Variants in UBAP1 observed in about 807,000 individuals in gnomAD.
UBAP1 encodes ubiquitin-associated protein 1.
UBAP1 carries 5 observed loss-of-function variants against 39.0 expected under a neutral mutation model. That is an observed-to-expected ratio of 0.13 (90% confidence interval 0.07 to 0.27). The LOEUF is 0.27. Among genes scored for constraint, UBAP1 ranks in the 10% least tolerant of loss-of-function variants. The probability of loss-of-function intolerance (pLI) is 1.00; values close to 1 mark genes in which losing one functional copy is unlikely to be tolerated. For missense variants in UBAP1, 490 were observed against 608.1 expected, an observed-to-expected ratio of 0.81 and a Z score of 2.04; for synonymous variants, 211 against 225.1, an observed-to-expected ratio of 0.94 and a Z score of 0.56.
chr9:34,220,795 G>A (rs1832715063), intron 1 of UBAP1, 113 bp from the exon 2 acceptor site: 1 of 828,628 alleles, frequency 1.2e-6, no homozygotes, highest in African/African-American at 1.7e-5. Flanking sequence ...GAGACGTGAG[G>A]ATTCTGTCAG....
At chr9:34,191,328 C>T (rs1830708375) in intron 1 of UBAP1, among the ~76,000 whole-genome samples, 1 of 152,108 alleles carries the variant, frequency 6.6e-6, no homozygotes, top group Non-Finnish European at 1.5e-5. Context: ...AACTTCTGGC[C>T]TCAAGCAGTC....
rs1834380307 is a variant in UBAP1 at position 34,249,877 on chromosome 9, G to T, written c.1182G>T (p.Gln394His). Reference protein sequence around the residue: ...ELQMLSPSERQCVETVVNMGY... With the variant: ...ELQMLSPSERHCVETVVNMGY... Reference sequence around the variant, plus strand: ...AGATGCTGTCCCCCAGCGAGCGGCAGTGTGTGGAGACGGTGGTCAACATGG... The same window carrying T: ...AGATGCTGTCCCCCAGCGAGCGGCATTGTGTGGAGACGGTGGTCAACATGG... The change falls in exon 5 of 7, where the codon CAG becomes CAT. Residue 394 changes from glutamine (Q) to histidine (H), a missense_variant. Around this residue, in one of 3 missense-constraint regions of UBAP1, gnomAD observed 339 missense variants for 390.0 expected, o/e 0.87. Transcript: ENST00000297661. The T allele has an allele frequency of 6.2e-7, 1 of 1,614,218 alleles. No individual in the cohort carries two copies. The highest frequency in any genetic ancestry group is 1.7e-5 in the Admixed American group (1 of 60,028).
chr9:34,202,624 C>CCTTTGTGTGTGTGTGTGTGTGTGT (rs1491103579), intron 1 of UBAP1, among the ~76,000 whole-genome samples: 1 of 107,326 alleles, frequency 9.3e-6, no homozygotes, highest in Non-Finnish European at 1.9e-5. Context: ...TAGACAGAAA[C>CCTTTGTGTGTGTGTGTGTGTGTGT]GTGTGTGTGT....
intron 1 of UBAP1, among the ~76,000 whole-genome samples, chr9:34,218,184 G>A (rs1227874978): frequency 1.4e-5 from 2 of 140,626 alleles, no homozygotes; most frequent in Non-Finnish European, 3.0e-5. Context: ...CCCGGGAGGC[G>A]GTGGTTGCAG....
In UBAP1 at chr9:34,182,385, A is replaced by G. The variant is rs186736522; in HGVS notation, c.-8+3145A>G. On this transcript the variant is annotated intron_variant, in intron 1 of 6. Transcript: ENST00000297661. ...GTTTTAGTAGCGACGGGGTTTCACAACGTTGGCCAGGCTGGTCTTGAACTC... is the reference window on the plus strand; with the variant it reads ...GTTTTAGTAGCGACGGGGTTTCACAGCGTTGGCCAGGCTGGTCTTGAACTC... 2.8e-3 allele frequency among the ~76,000 whole-genome samples: 428 copies of G among 151,410 alleles called. 3 individuals are homozygous for G. The highest frequency in any genetic ancestry group is 9.9e-3 in the African/African-American group (410 of 41,212).
At position 34,180,077 on chromosome 9, in the gene UBAP1, C is replaced by T. The variant is rs2777668; in HGVS notation, c.-8+837C>T. On this transcript the variant is annotated intron_variant, in intron 1 of 6. Coordinates refer to ENST00000297661, the MANE Select transcript of UBAP1 (RefSeq NM_016525.5). ...AACTTTACTCGTTAGTGCTTTGTCT[C>T]TTCAGTTATTAGCATTTGAGAATTT... Among the ~76,000 whole-genome samples the T allele has an allele frequency of 9.3e-3, 1,415 of 152,276 alleles. 26 individuals are homozygous for T. Among genetic ancestry groups the T allele is most frequent in the African/African-American group, 0.032 (1,346 of 41,540 alleles).
intron 1 of UBAP1, chr9:34,220,308 C>T (rs72731278): frequency 0.12 from 17,796 of 145,772 alleles, 1,427 homozygotes; most frequent in Non-Finnish European, 0.18. Flanking sequence ...TGCGTCACCA[C>T]GCCCAGCGAA....
intron 3 of UBAP1, among the ~76,000 whole-genome samples, chr9:34,238,025 C>T (rs1833789094): frequency 6.6e-6 from 1 of 152,208 alleles, no homozygotes; most frequent in African/African-American, 2.4e-5. Flanking sequence ...CTCTGGCAGC[C>T]TCCTCGCAGC....
intron 1 of UBAP1, among the ~76,000 whole-genome samples, chr9:34,215,454 G>A (rs988418862): frequency 1.3e-5 from 2 of 151,088 alleles, no homozygotes; most frequent in South Asian, 2.1e-4. Flanking sequence ...AACATCTAAT[G>A]TTCTCACTGA....
chr9:34,228,267 C>T (rs947602804), intron 2 of UBAP1, among the ~76,000 whole-genome samples: 24 of 150,978 alleles, frequency 1.6e-4, no homozygotes, highest in Admixed American at 1.5e-3. Context: ...AAATACAAAA[C>T]ATTAGCCAGG....
At chr9:34,211,018 G>GA (rs1013273502) in intron 1 of UBAP1, among the ~76,000 whole-genome samples, 17 of 151,440 alleles carry the variant, frequency 1.1e-4, no homozygotes, top group Admixed American at 1.1e-3. Context: ...GGATCAGTAA[G>GA]AAAAAAAATG....
At chr9:34,212,392 A>AACACACAC (rs35251034) in intron 1 of UBAP1, among the ~76,000 whole-genome samples, 12,765 of 142,114 alleles carry the variant, frequency 0.09, 623 homozygotes, top group East Asian at 0.12. Context: ...TTTCTATTAA[A>AACACACAC]ACACACACAC....
intron 2 of UBAP1, chr9:34,224,185 A>G (rs917566271): frequency 3.6e-6 from 2 of 554,546 alleles, no homozygotes; most frequent in Non-Finnish European, 6.4e-6. Flanking sequence ...GAAATTTTTT[A>G]GATCATTTTT....
intron 1 of UBAP1, among the ~76,000 whole-genome samples, chr9:34,216,931 C>A (rs945778472): frequency 6.6e-6 from 1 of 152,018 alleles, no homozygotes; most frequent in African/African-American, 2.4e-5. Flanking sequence ...AGTCACCTTA[C>A]TGTACAATAG....
rs1190140711 is a variant in UBAP1 at position 34,249,854 on chromosome 9, A to C, written c.1159A>C (p.Met387Leu). The C allele has an allele frequency of 1.9e-6, 3 of 1,614,214 alleles. No individual in the cohort carries two copies. The highest frequency in any genetic ancestry group is 2.5e-6 in the Non-Finnish European group (3 of 1,180,040). ...TCCCCAGGCCTATTCTGAACTGCAG[A>C]TGCTGTCCCCCAGCGAGCGGCAGTG... is the stretch of plus-strand genomic sequence containing the variant. ...SCPQAYSELQMLSPSERQCVE... is the reference protein window; with the variant it reads ...SCPQAYSELQLLSPSERQCVE... The change falls in exon 5 of 7, where the codon ATG becomes CTG. Residue 387 changes from methionine to leucine, a missense_variant. Physicochemically the swap from Met to Leu is conservative, Grantham distance 15. Coordinates refer to ENST00000297661, the MANE Select transcript of UBAP1 (RefSeq NM_016525.5).
At chr9:34,217,883 C>T (rs1832426010) in intron 1 of UBAP1, among the ~76,000 whole-genome samples, 3 of 143,974 alleles carry the variant, frequency 2.1e-5, no homozygotes, top group African/African-American at 2.6e-5. Context: ...CTGCAACCTC[C>T]GTCTCCCAGC....
At chr9:34,199,702 A>G (rs1186955237) in intron 1 of UBAP1, among the ~76,000 whole-genome samples, 1 of 149,466 alleles carries the variant, frequency 6.7e-6, no homozygotes, top group African/African-American at 2.5e-5. Flanking sequence ...TGGCATGATC[A>G]TGTCCTACTG....
Position 34,184,906 on chromosome 9 carries a change from G to A in UBAP1, c.-8+5666G>A, listed in dbSNP as rs375435021. ...CAAAGTGCTGGGATTACAGGCGTGC[G>A]CCACCGCGCCCAGCCAATCCTTTTT... is the stretch of plus-strand genomic sequence containing the variant. On this transcript the variant is annotated intron_variant, in intron 1 of 6. Transcript: ENST00000297661. Among the ~76,000 whole-genome samples the A allele has an allele frequency of 5.1e-4, 75 of 146,540 alleles. 1 individual carries two copies. In the Middle Eastern group the frequency reaches 0.038, roughly 74 times the overall value.
At chr9:34,226,125 G>GTGTGTGTGTGTGTGTGTGTGTGTGTGTT (rs1833066051) in intron 2 of UBAP1, among the ~76,000 whole-genome samples, 26 of 139,816 alleles carry the variant, frequency 1.9e-4, no homozygotes, top group African/African-American at 5.7e-4. Flanking sequence ...GTGTGTGTGT[G>GTGTGTGTGTGTGTGTGTGTGTGTGTGTT]TGTGTGTGTG....
Sources: allele counts gnomAD v4.1 joint callset (sites outside exome capture counted in the v4.1 genomes callset), GRCh38; gene constraint gnomAD v4.1.1; regional missense constraint gnomAD v4.1.1; transcripts MANE v1.5; gene names NCBI Gene and HGNC (gene_info 2026-07-23, HGNC 2026-07-21).